The following SLC35F1 variants were observed in gnomAD, a reference collection of about 807,000 sequenced individuals.
SLC35F1 encodes solute carrier family 35 member F1.
In SLC35F1, 14 loss-of-function variants were observed where a neutral mutation model predicts 48.7. That is an observed-to-expected ratio of 0.29 (90% CI 0.19 to 0.45). The LOEUF is 0.45. Among genes scored for constraint, SLC35F1 ranks in the 20% least tolerant of loss-of-function variants. The pLI is 1.00. For missense variants in SLC35F1, 404 were observed against 500.0 expected, an observed-to-expected ratio of 0.81 and a Z score of 1.83; for synonymous variants, 190 against 202.2, an observed-to-expected ratio of 0.94 and a Z score of 0.51.
chr6:118,166,880 T>G (rs907670450), intron 2 of SLC35F1, among the ~76,000 whole-genome samples: 1 of 152,154 alleles, frequency 6.6e-6, no homozygotes. Flanking sequence ...AACTTGAGTT[T>G]TATACTTTTA....
chr6:118,155,289 T>G (rs1774122329), intron 2 of SLC35F1, among the ~76,000 whole-genome samples: 1 of 152,128 alleles, frequency 6.6e-6, no homozygotes, highest in African/African-American at 2.4e-5. Context: ...TGTGCTGTGG[T>G]TTGAATGTCC....
intron 2 of SLC35F1, among the ~76,000 whole-genome samples, chr6:118,190,652 C>A (rs1774720032): frequency 6.6e-6 from 1 of 152,116 alleles, no homozygotes; most frequent in Admixed American, 6.6e-5. Flanking sequence ...GAGATGGCTG[C>A]ATGCAAATAT....
chr6:118,215,850 G>T (rs1775064402), intron 2 of SLC35F1, among the ~76,000 whole-genome samples: 2 of 152,014 alleles, frequency 1.3e-5, no homozygotes, highest in Non-Finnish European at 2.9e-5. Flanking sequence ...CTGTGAATAT[G>T]GTGTATTCAG....
At chr6:117,932,575 A>G (rs942507764) in intron 1 of SLC35F1, among the ~76,000 whole-genome samples, 3 of 152,194 alleles carry the variant, frequency 2.0e-5, no homozygotes, top group African/African-American at 7.2e-5. Flanking sequence ...AGATAAACCA[A>G]ATCTCAAGCA....
At chr6:118,068,011 G>A (rs1772642254) in intron 1 of SLC35F1, among the ~76,000 whole-genome samples, 1 of 152,130 alleles carries the variant, frequency 6.6e-6, no homozygotes, top group Non-Finnish European at 1.5e-5. Context: ...AGGCGGTGCT[G>A]GTGCAAGTCC....
At chr6:118,183,231 T>A (rs1774608745) in intron 2 of SLC35F1, among the ~76,000 whole-genome samples, 3 of 152,316 alleles carry the variant, frequency 2.0e-5, no homozygotes, top group Middle Eastern at 3.4e-3. Flanking sequence ...GGCATGTTTA[T>A]ATTTCATGGT....
intron 1 of SLC35F1, among the ~76,000 whole-genome samples, chr6:118,104,498 C>CT (rs1180328129): frequency 3.3e-5 from 5 of 152,100 alleles, no homozygotes; most frequent in Non-Finnish European, 5.9e-5. Context: ...TAGCTATTTT[C>CT]TTTATATACT....
rs1225257585 is a variant in SLC35F1, at chr6:118,315,169, G to GCACTGGAAAAAGCCATGGTCAC, written c.*937_*938insACCACTGGAAAAAGCCATGGTC. 6.6e-6 allele frequency: 1 copy of GCACTGGAAAAAGCCATGGTCAC among 152,328 alleles called. No individual in the cohort carries two copies. The highest frequency in any genetic ancestry group is 1.5e-5 in the Non-Finnish European group (1 of 67,976). 9.4% of individuals were successfully genotyped at this position (152,328 alleles called of 1,614,324 possible). On this transcript the variant is annotated 3_prime_UTR_variant, in exon 8 of 8. Coordinates refer to ENST00000360388, the MANE Select transcript of SLC35F1 (RefSeq NM_001029858.4). ...AGTGATAATATGGAAATTAATCAAG[G>GCACTGGAAAAAGCCATGGTCAC]CACTGGAAAAAGCCATGGTCCTCTG...
intron 1 of SLC35F1, among the ~76,000 whole-genome samples, chr6:118,041,081 A>G (rs952664295): frequency 2.6e-5 from 4 of 152,190 alleles, no homozygotes; most frequent in Non-Finnish European, 4.4e-5. Context: ...TAAGAATATA[A>G]CAAAACTGAC....
chr6:118,238,538 T>A (rs1471694236), intron 3 of SLC35F1, among the ~76,000 whole-genome samples: 1 of 152,100 alleles, frequency 6.6e-6, no homozygotes, highest in Non-Finnish European at 1.5e-5. Flanking sequence ...GTCTTAATAA[T>A]GTCATCAGGG....
chr6:118,311,567 A>G (rs1468548852), intron 7 of SLC35F1, among the ~76,000 whole-genome samples: 1 of 152,236 alleles, frequency 6.6e-6, no homozygotes, highest in Non-Finnish European at 1.5e-5. Context: ...AGGCAGGTGG[A>G]TGGCTTAAGC....
chr6:118,158,695 A>G (rs1774180465), intron 2 of SLC35F1, among the ~76,000 whole-genome samples: 1 of 152,218 alleles, frequency 6.6e-6, no homozygotes, highest in African/African-American at 2.4e-5. Context: ...AATTCTCCCT[A>G]TCAAAATTTC....
At chr6:118,013,216 T>C (rs1200476118) in intron 1 of SLC35F1, among the ~76,000 whole-genome samples, 2 of 152,170 alleles carry the variant, frequency 1.3e-5, no homozygotes, top group Admixed American at 6.5e-5. Flanking sequence ...TTTAGCCTGA[T>C]GTGATGAGCT....
At chr6:118,294,031 G>C (rs1776154754) in intron 7 of SLC35F1, among the ~76,000 whole-genome samples, 1 of 152,288 alleles carries the variant, frequency 6.6e-6, no homozygotes, top group African/African-American at 2.4e-5. Context: ...TTGCCTTATG[G>C]AGCTTCACAG....
chr6:118,108,899 T>C (rs1182181369), intron 1 of SLC35F1, among the ~76,000 whole-genome samples: 1 of 152,192 alleles, frequency 6.6e-6, no homozygotes, highest in Non-Finnish European at 1.5e-5. Flanking sequence ...TTGCAATACT[T>C]ATTGCTTTTC....
At chr6:118,158,895 A>G in intron 2 of SLC35F1, among the ~76,000 whole-genome samples, 1 of 152,190 alleles carries the variant, frequency 6.6e-6, no homozygotes. Flanking sequence ...ACACCTCTAT[A>G]TAGGTGTTCT....
chr6:118,115,504 A>G (rs934788243), intron 1 of SLC35F1, among the ~76,000 whole-genome samples: 55 of 152,118 alleles, frequency 3.6e-4, no homozygotes, highest in Admixed American at 1.7e-3. Context: ...ATTTAACATC[A>G]ATTGTCTTTT....
chr6:118,140,066 A>C (rs999188011), intron 1 of SLC35F1, among the ~76,000 whole-genome samples: 6 of 152,050 alleles, frequency 3.9e-5, no homozygotes, highest in African/African-American at 1.4e-4. Context: ...ATGTTCTCTT[A>C]TTTGGTATTT....
At chr6:118,066,774 C>G (rs1479386728) in intron 1 of SLC35F1, among the ~76,000 whole-genome samples, 1 of 137,216 alleles carries the variant, frequency 7.3e-6, no homozygotes, top group Non-Finnish European at 1.5e-5. Context: ...GAGACAGAGT[C>G]TCGCTCTGTC....
Sources: gnomAD v4.1 joint callset for allele counts (sites outside exome capture counted in the v4.1 genomes callset) on GRCh38, gnomAD v4.1.1 for gene constraint, MANE v1.5 for transcripts, NCBI Gene and HGNC (gene_info 2026-07-23, HGNC 2026-07-21) for gene names.